AOX1: variants seen among roughly 807,000 people sequenced by gnomAD.
The protein encoded by AOX1 is aldehyde oxidase.
Under a neutral mutation model 169.5 loss-of-function variants are expected in AOX1, and 153 were observed. The observed-to-expected ratio is 0.90, with a 90% confidence interval of 0.79 to 1.03. The LOEUF (loss-of-function observed/expected upper bound fraction) is 1.03. Ranked by LOEUF, AOX1 falls within the 50% of genes least tolerant of loss-of-function variation. The pLI, the probability that AOX1 is intolerant of heterozygous loss-of-function variation, is 0.00. For missense variants in AOX1, 1,656 were observed against 1,663.9 expected (o/e 1.00, Z 0.08); for synonymous variants, 562 against 581.9 (o/e 0.97, Z 0.49).
chr2:200,612,189 G>C (rs556162941), intron 13 of AOX1, among the ~76,000 whole-genome samples: 1 of 152,154 alleles, frequency 6.6e-6, no homozygotes, highest in Non-Finnish European at 1.5e-5. Context: ...AAAAACATGA[G>C]GCTTTGCATG....
chr2:200,589,747 A>G (rs1386585900), intron 1 of AOX1, among the ~76,000 whole-genome samples: 2 of 152,212 alleles, frequency 1.3e-5, no homozygotes, highest in East Asian at 3.8e-4. Flanking sequence ...GCTAAGAAGC[A>G]GTCATCCTGC....
Position 200,642,620 on chromosome 2 carries a change from TG to T in AOX1, c.2669del (p.Gly890AspfsTer3), listed in dbSNP as rs755494728. On this transcript the variant is annotated frameshift_variant, in exon 25 of 35. Coordinates refer to ENST00000374700, the MANE Select transcript of AOX1 (RefSeq NM_001159.4). LOFTEE classifies it high-confidence loss of function. ...SLDESLFVIE[M>X]GLLKMDNAYK... ...TCTGGATTTCTCCAGGTGATAGAAA[TG>T]GGACTTCTGAAAATGGACAATGCTT... is the stretch of plus-strand genomic sequence containing the variant. 2 of 1,614,018 alleles carry T rather than the reference TG, an allele frequency of 1.2e-6. No homozygotes were observed. The highest frequency in any genetic ancestry group is 1.7e-6 in the Non-Finnish European group (2 of 1,179,946).
intron 27 of AOX1, among the ~76,000 whole-genome samples, chr2:200,657,799 G>T (rs1182895670): frequency 1.3e-5 from 2 of 151,962 alleles, no homozygotes; most frequent in Admixed American, 1.3e-4. Flanking sequence ...TAAAATATTT[G>T]GAAGCAGCAG....
rs186144966 is a variant in AOX1 at position 200,649,613 on chromosome 2, G to A, written c.2848-1361G>A. On this transcript the variant is annotated intron_variant, in intron 25 of 34. Transcript: ENST00000374700. ...TGCAATCTAGTCCTGCCTCCCGTCC[G>A]CCATGATGATCCAATTTCTCCTTTT... 5.2e-3 allele frequency among the ~76,000 whole-genome samples: 790 copies of A among 152,244 alleles called. 2 individuals are homozygous for A. The highest frequency in any genetic ancestry group is 8.8e-3 in the Non-Finnish European group (599 of 68,020).
chr2:200,657,179 TATATATATA>T (rs2035708838), intron 27 of AOX1, among the ~76,000 whole-genome samples: 1 of 66,550 alleles, frequency 1.5e-5, no homozygotes, highest in Non-Finnish European at 3.0e-5. Context: ...TATATATATA[TATATATATA>T]TATTTTTTTT....
At position 200,610,241 on chromosome 2, in the gene AOX1, T is replaced by G. The variant is rs368658969; in HGVS notation, c.1153+827T>G. Among the ~76,000 whole-genome samples, 332 of 152,240 alleles carry G rather than the reference T, an allele frequency of 2.2e-3. 2 individuals are homozygous for G. Among genetic ancestry groups the G allele is most frequent in the African/African-American group, 7.5e-3 (313 of 41,538 alleles). ...CATGTGCCACCATGCCCAGCTAATTTTTGTATTTTTAATAGAGATGTGGTT... is the reference window on the plus strand; with the variant it reads ...CATGTGCCACCATGCCCAGCTAATTGTTGTATTTTTAATAGAGATGTGGTT... On this transcript the variant is annotated intron_variant, in intron 12 of 34. Transcript: ENST00000374700.
Position 200,636,954 on chromosome 2 carries a change from T to A in AOX1, c.2390T>A (p.Met797Lys). The change falls in exon 22 of 35, where the codon ATG becomes AAG. Residue 797 changes from methionine (M) to lysine (K), a missense_variant. Transcript: ENST00000374700. ...TTGAAGCTCCCAGCTAACAAGGTCA[T>A]GTGCCATGTAAGGCGTGTTGGTGGA... Reference protein sequence around the residue: ...STLKLPANKVMCHVRRVGGAF... With the variant: ...STLKLPANKVKCHVRRVGGAF... The A allele has an allele frequency of 3.1e-6, 5 of 1,614,166 alleles. No individual in the cohort carries two copies. The highest frequency in any genetic ancestry group is 4.2e-6 in the Non-Finnish European group (5 of 1,179,994).
At position 200,642,777 on chromosome 2, in the gene AOX1, C is replaced by T. The variant is rs1574946999; in HGVS notation, c.2823C>T (p.Ala941=). The change falls in exon 25 of 35, where the codon GCC becomes GCT. Residue 941 remains alanine, a synonymous_variant. Coordinates refer to ENST00000374700, the MANE Select transcript of AOX1 (RefSeq NM_001159.4). ...AATCTTGTATCACGGAAGTTGCAGC[C>T]AAATGTGGACTATCCCCTGAGAAGG... The part of the protein sequence containing the change: ...ITESCITEVA[A]KCGLSPEKVR... 1 of 1,613,674 alleles carries T rather than the reference C, an allele frequency of 6.2e-7. No individual in the cohort carries two copies. Among genetic ancestry groups the T allele is most frequent in the African/African-American group, 1.3e-5 (1 of 75,006 alleles).
Position 200,666,682 on chromosome 2 carries a change from A to G in AOX1, c.3544-5A>G. 6.3e-7 allele frequency: 1 copy of G among 1,596,428 alleles called. No individual in the cohort carries two copies. Among genetic ancestry groups the G allele is most frequent in the Non-Finnish European group, 8.5e-7 (1 of 1,173,284 alleles). On this transcript the variant is annotated splice_region_variant and splice_polypyrimidine_tract_variant and intron_variant, in intron 31 of 34. Coordinates refer to ENST00000374700, the MANE Select transcript of AOX1 (RefSeq NM_001159.4). ...ATAAACATTTTAACTTTTTTTTAAT[A>G]CTAGAACATCAGAACAGACATTGTC...
chr2:200,665,932 T>C (rs1374378128), intron 31 of AOX1, among the ~76,000 whole-genome samples: 1 of 152,210 alleles, frequency 6.6e-6, no homozygotes, highest in Non-Finnish European at 1.5e-5. Flanking sequence ...TTCCAGATCA[T>C]TATCTAATTT....
chr2:200,681,109 TA>T (rs1258167484), downstream of AOX1, among the ~76,000 whole-genome samples: 11 of 152,176 alleles, frequency 7.2e-5, no homozygotes, highest in Non-Finnish European at 1.3e-4. Flanking sequence ...TGGTCTTGGT[TA>T]AATCTAAACT....
intron 20 of AOX1, among the ~76,000 whole-genome samples, chr2:200,630,957 C>G (rs1188195217): frequency 6.6e-6 from 1 of 151,926 alleles, no homozygotes. Context: ...ACACGTTTAC[C>G]TATGAAGCAA....
At chr2:200,651,282 A>C in intron 26 of AOX1, 81 bp downstream of exon 26, 1 of 1,224,958 alleles carries the variant, frequency 8.2e-7, no homozygotes, top group Non-Finnish European at 1.2e-6. Context: ...ACTTCTCCTT[A>C]AGTCATATTA....
intron 20 of AOX1, among the ~76,000 whole-genome samples, chr2:200,632,704 A>G (rs2035152352): frequency 6.6e-6 from 1 of 152,088 alleles, no homozygotes; most frequent in Non-Finnish European, 1.5e-5. Flanking sequence ...ATCCGTTTAA[A>G]ACAAACTCTT....
chr2:200,650,881 G>C, intron 25 of AOX1, 93 bp from the exon 26 acceptor site: 1 of 1,188,228 alleles, frequency 8.4e-7, no homozygotes. Context: ...GGACCTTACA[G>C]GATGGGCAGA....
chr2:200,591,183 C>A (rs1488283302), intron 1 of AOX1, among the ~76,000 whole-genome samples: 3 of 152,190 alleles, frequency 2.0e-5, no homozygotes, highest in Admixed American at 2.0e-4. Context: ...CACCACCAAG[C>A]TCAGTGTTTG....
intron 16 of AOX1, among the ~76,000 whole-genome samples, chr2:200,620,185 G>A (rs2034851747): frequency 6.9e-6 from 1 of 144,032 alleles, no homozygotes; most frequent in East Asian, 2.1e-4. Flanking sequence ...TTGTCTTGGT[G>A]TTATTAATAG....
At chr2:200,631,229 A>C (rs999544605) in intron 20 of AOX1, among the ~76,000 whole-genome samples, 1 of 152,226 alleles carries the variant, frequency 6.6e-6, no homozygotes, top group Non-Finnish European at 1.5e-5. Context: ...AGCTGAGGCT[A>C]GAGAGGCTAC....
At chr2:200,663,602 T>C (rs897250385) in intron 31 of AOX1, among the ~76,000 whole-genome samples, 19 of 144,338 alleles carry the variant, frequency 1.3e-4, no homozygotes, top group African/African-American at 2.8e-4. Context: ...TCTCTCCCCC[T>C]CTTTCTGTCT....
Sources: gnomAD v4.1 joint callset for allele counts (sites outside exome capture counted in the v4.1 genomes callset) on GRCh38, gnomAD v4.1.1 for gene constraint, MANE v1.5 for transcripts, NCBI Gene and HGNC (gene_info 2026-07-23, HGNC 2026-07-21) for gene names.